PDE1C: variants seen among roughly 807,000 people sequenced by gnomAD.
PDE1C encodes the protein phosphodiesterase 1C, also known as dual specificity calcium/calmodulin-dependent 3',5'-cyclic nucleotide phosphodiesterase 1C.
A neutral mutation model predicts 93.1 loss-of-function variants in PDE1C; 62 were observed. That is an observed-to-expected ratio of 0.67 (90% CI 0.54 to 0.82). PDE1C has a LOEUF of 0.82. Among genes scored for constraint, PDE1C ranks in the 40% least tolerant of loss-of-function variants. The pLI is 0.00. For missense variants in PDE1C, 742 were observed against 884.6 expected (o/e 0.84, Z 2.04); for synonymous variants, 325 against 310.1 (o/e 1.05, Z -0.50).
At chr7:32,271,410 A>G (rs1810956027) in intron 1 of PDE1C, among the ~76,000 whole-genome samples, 1 of 152,262 alleles carries the variant, frequency 6.6e-6, no homozygotes, top group South Asian at 2.1e-4. Flanking sequence ...CAGATAAACA[A>G]TAAGAGGTAT....
chr7:31,753,586 T>C (rs751849063), intron 17 of PDE1C, 33 bp from the exon 18 acceptor site: 3 of 1,596,302 alleles, frequency 1.9e-6, no homozygotes, highest in Non-Finnish European at 2.6e-6. Context: ...CAGACAACGG[T>C]TAGCCTCACC....
intron 1 of PDE1C, among the ~76,000 whole-genome samples, chr7:32,277,946 G>A (rs1811385690): frequency 1.3e-5 from 2 of 152,130 alleles, no homozygotes; most frequent in African/African-American, 4.8e-5. Context: ...GCAGTGGGAG[G>A]AGATAGAAGG....
the PDE1C span, chr7:31,687,051 T>C: frequency 6.6e-6 from 1 of 152,268 alleles, no homozygotes; most frequent in Non-Finnish European, 1.5e-5. Flanking sequence ...GACTCTATAC[T>C]GTACTTTTGT....
rs528748986 is a variant in PDE1C at position 32,040,842 on chromosome 7, C to A, written c.128+10712G>T. On this transcript the variant is annotated intron_variant, in intron 2 of 17. Transcript: ENST00000396191. ...TTACGTAGCTTGATCTCCTGCCCCA[C>A]CTACCCCAATCTTCTTTAAGTCCTA... Among the ~76,000 whole-genome samples, 8 of 152,228 alleles carry A rather than the reference C, an allele frequency of 5.3e-5. No individual in the cohort carries two copies. The South Asian group carries it at 1.7e-3, about 32-fold the overall frequency.
chr7:32,047,032 G>GAT (rs113331207), intron 2 of PDE1C, among the ~76,000 whole-genome samples: 20,309 of 148,774 alleles, frequency 0.14, 1,783 homozygotes, highest in East Asian at 0.3. Flanking sequence ...CTGAAATAGG[G>GAT]GTGTGTGTGT....
At chr7:31,822,984 C>A in intron 14 of PDE1C, 89 bp downstream of exon 14, 1 of 1,059,760 alleles carries the variant, frequency 9.4e-7, no homozygotes, top group South Asian at 1.9e-5. Flanking sequence ...GCATCCTGAG[C>A]AACTGTGCTT....
the PDE1C span, among the ~76,000 whole-genome samples, chr7:31,673,749 C>T: frequency 6.6e-6 from 1 of 150,950 alleles, no homozygotes; most frequent in African/African-American, 2.4e-5. Flanking sequence ...ATTCAGTTGT[C>T]TCAACATCAC....
chr7:31,947,277 C>A (rs1217627392), intron 2 of PDE1C, among the ~76,000 whole-genome samples: 2 of 152,180 alleles, frequency 1.3e-5, no homozygotes, highest in Non-Finnish European at 2.9e-5. Flanking sequence ...GAGTAATCCA[C>A]TTTACTCAAA....
chr7:32,093,024 G>A (rs767997090), intron 3 of PDE1C, among the ~76,000 whole-genome samples: 2 of 152,220 alleles, frequency 1.3e-5, no homozygotes, highest in African/African-American at 4.8e-5. Context: ...GGGACTAAGA[G>A]GGTTCATGGG....
intron 2 of PDE1C, among the ~76,000 whole-genome samples, chr7:32,176,413 C>T (rs1802989935): frequency 6.6e-6 from 1 of 151,966 alleles, no homozygotes; most frequent in Non-Finnish European, 1.5e-5. Flanking sequence ...TGAAAATTAC[C>T]CACAAAGGAT....
chr7:31,987,251 T>C (rs1783531821), intron 2 of PDE1C, among the ~76,000 whole-genome samples: 1 of 152,198 alleles, frequency 6.6e-6, no homozygotes, highest in South Asian at 2.1e-4. Context: ...CAACCAGCTC[T>C]CGACAAACAA....
intron 3 of PDE1C, among the ~76,000 whole-genome samples, chr7:32,116,514 T>C (rs1455541119): frequency 6.6e-6 from 1 of 152,080 alleles, no homozygotes; most frequent in Non-Finnish European, 1.5e-5. Context: ...CCTCCCCAAA[T>C]GGCAGGGGGC....
rs190265811 is a variant in PDE1C, at chr7:31,998,071, A to G, written c.128+53483T>C. Among the ~76,000 whole-genome samples the G allele has an allele frequency of 7.4e-3, 1,118 of 151,680 alleles. 10 individuals carry two copies. The highest frequency in any genetic ancestry group is 0.022 in the African/African-American group (915 of 41,378). On this transcript the variant is annotated intron_variant, in intron 2 of 17. Coordinates refer to ENST00000396191, the MANE Select transcript of PDE1C (RefSeq NM_001191057.4). ...GTCTCACTCTGTTGCCCAGGCTGGA[A>G]TGCAGTGGCGCAATCTTGGCTCACT...
At chr7:32,328,531 C>A (rs1271280216) in intron 1 of PDE1C, among the ~76,000 whole-genome samples, 1 of 152,162 alleles carries the variant, frequency 6.6e-6, no homozygotes, top group African/African-American at 2.4e-5. Flanking sequence ...CACTGTGCTC[C>A]AGACACACTG....
chr7:31,938,587 C>T (rs1805401939), intron 2 of PDE1C, among the ~76,000 whole-genome samples: 1 of 152,102 alleles, frequency 6.6e-6, no homozygotes, highest in African/African-American at 2.4e-5. Flanking sequence ...ACGATAAAAA[C>T]ATTGATCAAA....
At chr7:32,078,028 CA>C (rs1435272135) in intron 3 of PDE1C, 1 of 985,194 alleles carries the variant, frequency 1.0e-6, no homozygotes, top group Non-Finnish European at 1.2e-6. Flanking sequence ...ACTGCCAACC[CA>C]GTATAATTAA....
In PDE1C at chr7:32,022,399, G is replaced by A. The variant is rs74808249; in HGVS notation, c.128+29155C>T. Among the ~76,000 whole-genome samples the A allele has an allele frequency of 5.2e-3, 791 of 152,174 alleles. 7 individuals carry two copies. Among genetic ancestry groups the A allele is most frequent in the Non-Finnish European group, 8.3e-3 (566 of 68,002 alleles). On this transcript the variant is annotated intron_variant, in intron 2 of 17. Transcript: ENST00000396191. ...TCTAGCTAGGAGAAATCAGAAGCAA[G>A]TCAACAGAGGAGGTAAGACTTGAGG...
intron 1 of PDE1C, among the ~76,000 whole-genome samples, chr7:32,390,781 A>T (rs998994017): frequency 1.1e-4 from 16 of 152,120 alleles, no homozygotes; most frequent in Non-Finnish European, 1.9e-4. Flanking sequence ...TGAGCCTGGG[A>T]GGTCGAGACT....
chr7:31,635,567 A>G, the PDE1C span, among the ~76,000 whole-genome samples: 1 of 152,224 alleles, frequency 6.6e-6, no homozygotes, highest in Non-Finnish European at 1.5e-5. Flanking sequence ...CAACAGTTAT[A>G]TCACAAGTAT....
Sources: allele counts gnomAD v4.1 joint callset (sites outside exome capture counted in the v4.1 genomes callset), GRCh38; gene constraint gnomAD v4.1.1; transcripts MANE v1.5; gene names NCBI Gene and HGNC (gene_info 2026-07-23, HGNC 2026-07-21).